The following EBAG9 variants were observed in gnomAD, a reference collection of about 807,000 sequenced individuals.
The protein encoded by EBAG9 is estrogen receptor binding site associated antigen 9.
EBAG9 carries 16 observed loss-of-function variants against 30.9 expected under a neutral mutation model. That is an observed-to-expected ratio of 0.52 (90% CI 0.35 to 0.79). The LOEUF (loss-of-function observed/expected upper bound fraction) is 0.79. Ranked by LOEUF, EBAG9 falls within the 30% of genes least tolerant of loss-of-function variation. The pLI is 0.01. For synonymous variants in EBAG9, 93 were observed against 82.8 expected (o/e 1.12, Z -0.67); for missense variants, 197 against 242.1 (o/e 0.81, Z 1.24).
chr8:109,561,867 T>C (rs183649847), intron 6 of EBAG9, among the ~76,000 whole-genome samples: 1,564 of 151,700 alleles, frequency 0.01, 29 homozygotes, highest in African/African-American at 0.036. Flanking sequence ...TTTTTGTTTT[T>C]TTCCTTTGAA....
chr8:109,553,106 CTAAT>C (rs767213635), intron 2 of EBAG9, among the ~76,000 whole-genome samples: 128 of 151,320 alleles, frequency 8.5e-4, no homozygotes, highest in Non-Finnish European at 1.4e-3. Flanking sequence ...AAGTAAATGA[CTAAT>C]TATCTCTATT....
intron 5 of EBAG9, among the ~76,000 whole-genome samples, chr8:109,558,684 A>G (rs1295020597): frequency 6.6e-6 from 1 of 152,152 alleles, no homozygotes; most frequent in African/African-American, 2.4e-5. Context: ...GACAGAATAA[A>G]GGGGCATTGC....
chr8:109,556,835 A>G, intron 4 of EBAG9, 100 bp from the exon 5 acceptor site: 1 of 528,184 alleles, frequency 1.9e-6, no homozygotes, highest in Non-Finnish European at 3.0e-6. Context: ...ATAAATTTTA[A>G]GAAGAAATAT....
intron 2 of EBAG9, 148 bp downstream of exon 2, chr8:109,551,055 T>A (rs1821484035): frequency 5.2e-6 from 3 of 580,504 alleles, no homozygotes; most frequent in South Asian, 2.2e-5. Context: ...TAGTCATTTT[T>A]AGATACTTTT....
intron 2 of EBAG9, among the ~76,000 whole-genome samples, chr8:109,553,621 A>G (rs1002910791): frequency 2.6e-5 from 4 of 152,190 alleles, no homozygotes; most frequent in Non-Finnish European, 4.4e-5. Context: ...GAGTTTGTTT[A>G]TAATTCTGAG....
intron 6 of EBAG9, 77 bp from the exon 7 acceptor site, chr8:109,564,362 T>G: frequency 6.5e-7 from 1 of 1,547,756 alleles, no homozygotes; most frequent in Non-Finnish European, 8.7e-7. Context: ...AAAAAGGCAC[T>G]GCTATTTCTT....
intron 1 of EBAG9, among the ~76,000 whole-genome samples, chr8:109,545,653 G>A (rs566506445): frequency 9.2e-5 from 14 of 152,164 alleles, no homozygotes; most frequent in African/African-American, 1.2e-4. Flanking sequence ...GTGAGCCACC[G>A]CGCCCAGCAT....
Position 109,556,570 on chromosome 8 carries a change from G to A in EBAG9, c.322-365G>A, listed in dbSNP as rs114006736. On this transcript the variant is annotated intron_variant, in intron 4 of 6. Transcript: ENST00000337573. ...ATGCTACTGGCCTGAATGAGTTAATGTATTCATAGGTATCTCACATGCTGA... is the reference window on the plus strand; with the variant it reads ...ATGCTACTGGCCTGAATGAGTTAATATATTCATAGGTATCTCACATGCTGA... Among the ~76,000 whole-genome samples, 947 of 152,146 alleles carry A rather than the reference G, an allele frequency of 6.2e-3. 12 individuals are homozygous for A. The highest frequency in any genetic ancestry group is 0.022 in the African/African-American group (906 of 41,534).
At position 109,556,978 on chromosome 8, in the gene EBAG9, A is replaced by T. The variant is rs1044007074; in HGVS notation, c.365A>T (p.Asp122Val). ...KREPLNFGIP[D>V]GSTGFSSRLA... ...GAACCATTGAATTTTGGCATCCCAG[A>T]TGGGAGCACAGGTTTCTCTAGTAGA... Residue 122 changes from aspartate (D) to valine (V), a missense_variant, in exon 5 of 7, where the codon GAT becomes GTT. Coordinates refer to ENST00000337573, the MANE Select transcript of EBAG9 (RefSeq NM_004215.5). 5 of 1,605,046 alleles carry T rather than the reference A, an allele frequency of 3.1e-6. No individual in the cohort carries two copies. Among genetic ancestry groups the T allele is most frequent in the African/African-American group, 1.3e-5 (1 of 74,808 alleles).
In EBAG9 at chr8:109,564,451, A is replaced by G; in HGVS notation, c.534A>G (p.Leu178=). 6.2e-7 allele frequency: 1 copy of G among 1,612,486 alleles called. No homozygotes were observed. Among genetic ancestry groups the G allele is most frequent in the South Asian group, 1.1e-5 (1 of 90,954 alleles). The part of the protein sequence containing the change: ...QAEEVLRQQK[L]ADREKRAAEQ... Reference sequence around the variant, plus strand: ...TGTTTCTTTTCAGACAGCAGAAACTAGCAGACAGAGAAAAGAGAGCAGCCG... The same window carrying G: ...TGTTTCTTTTCAGACAGCAGAAACTGGCAGACAGAGAAAAGAGAGCAGCCG... Residue 178 remains leucine (L), a synonymous_variant, in exon 7 of 7, where the codon CTA becomes CTG. Coordinates refer to ENST00000337573, the MANE Select transcript of EBAG9 (RefSeq NM_004215.5).
intron 6 of EBAG9, chr8:109,563,364 C>G (rs1377623162): frequency 1.9e-6 from 3 of 1,592,412 alleles, no homozygotes; most frequent in Non-Finnish European, 2.5e-6. Context: ...ACGTTGCATA[C>G]TTGAATGATT....
At chr8:109,541,361 A>AG (rs1242441639) in intron 1 of EBAG9, among the ~76,000 whole-genome samples, 1 of 152,166 alleles carries the variant, frequency 6.6e-6, no homozygotes. Flanking sequence ...AGGTTTCTTA[A>AG]GTAGGATATG....
intron 6 of EBAG9, 117 bp from the exon 7 acceptor site, chr8:109,564,322 A>T: frequency 7.4e-7 from 1 of 1,356,046 alleles, no homozygotes; most frequent in Non-Finnish European, 1.0e-6. Flanking sequence ...AGAAAATTTT[A>T]AGACTTTCAA....
intron 3 of EBAG9, 56 bp from the exon 4 acceptor site, chr8:109,554,673 G>A: frequency 6.5e-7 from 1 of 1,540,728 alleles, no homozygotes; most frequent in Non-Finnish European, 8.8e-7. Flanking sequence ...AATCATCAAT[G>A]ATGTGTTCAT....
At chr8:109,561,309 C>T (rs1400934625) in intron 6 of EBAG9, among the ~76,000 whole-genome samples, 1 of 151,518 alleles carries the variant, frequency 6.6e-6, no homozygotes, top group African/African-American at 2.4e-5. Context: ...TTTCCATTTC[C>T]TCATGATCTA....
At chr8:109,541,880 T>C (rs527325851) in intron 1 of EBAG9, among the ~76,000 whole-genome samples, 1 of 152,356 alleles carries the variant, frequency 6.6e-6, no homozygotes, top group African/African-American at 2.4e-5. Context: ...GTGTGATTGA[T>C]AAAATCAAAG....
chr8:109,562,866 C>T (rs1345151521), intron 6 of EBAG9, among the ~76,000 whole-genome samples: 1 of 151,734 alleles, frequency 6.6e-6, no homozygotes, highest in Non-Finnish European at 1.5e-5. Context: ...TCAGGTAGGC[C>T]CTCAGAAAGT....
chr8:109,563,395 A>G (rs749089903), intron 6 of EBAG9: 1 of 1,596,590 alleles, frequency 6.3e-7, no homozygotes, highest in Non-Finnish European at 8.5e-7. Flanking sequence ...CTAACCCTTC[A>G]GATCCAGGAC....
intron 6 of EBAG9, chr8:109,563,403 G>A (rs768522045): frequency 6.3e-7 from 1 of 1,596,816 alleles, no homozygotes; most frequent in Non-Finnish European, 8.5e-7. Context: ...TCAGATCCAG[G>A]ACCAATGTAT....
Sources: allele counts gnomAD v4.1 joint callset (sites outside exome capture counted in the v4.1 genomes callset), GRCh38; gene constraint gnomAD v4.1.1; transcripts MANE v1.5; gene names NCBI Gene and HGNC (gene_info 2026-07-23, HGNC 2026-07-21).